Variants in KCNN3 observed in about 807,000 individuals in gnomAD.
KCNN3 encodes the protein small conductance calcium-activated potassium channel protein 3.
In KCNN3, 16 loss-of-function variants were observed where a neutral mutation model predicts 62.9. The observed-to-expected ratio is 0.25, with a 90% CI of 0.17 to 0.39. The LOEUF (loss-of-function observed/expected upper bound fraction) is 0.39, where lower values mean the gene tolerates loss of function less well. Among genes scored for constraint, KCNN3 ranks in the 10% least tolerant of loss-of-function variants. The probability of loss-of-function intolerance (pLI) is 1.00; values close to 1 mark genes in which losing one functional copy is unlikely to be tolerated. For synonymous variants in KCNN3, 370 were observed against 389.2 expected, an observed-to-expected ratio of 0.95 and a Z score of 0.58; for missense variants, 599 against 949.4, an observed-to-expected ratio of 0.63 and a Z score of 4.85.
chr1:154,735,539 C>T (rs540058520), intron 3 of KCNN3, among the ~76,000 whole-genome samples: 3 of 152,302 alleles, frequency 2.0e-5, no homozygotes, highest in East Asian at 1.9e-4. Flanking sequence ...TGGCTGGCTG[C>T]GTGGGCCTCA....
chr1:154,710,605 C>T (rs994061001), intron 7 of KCNN3, among the ~76,000 whole-genome samples: 4 of 152,188 alleles, frequency 2.6e-5, no homozygotes, highest in Admixed American at 6.5e-5. Flanking sequence ...CTCCGTGGGC[C>T]CCATCTCTCC....
chr1:154,860,234 C>T (rs147976451), intron 1 of KCNN3, among the ~76,000 whole-genome samples: 155 of 152,336 alleles, frequency 1.0e-3, no homozygotes, highest in African/African-American at 3.7e-3. Flanking sequence ...CTCTTGACGA[C>T]GCATCAGGCA....
intron 1 of KCNN3, chr1:154,868,447 T>C: frequency 1.4e-6 from 1 of 702,536 alleles, no homozygotes; most frequent in Middle Eastern, 7.4e-4. Context: ...AAACAGAAAC[T>C]TGGGAAGAGA....
At chr1:154,738,454 T>G (rs1700758793) in intron 3 of KCNN3, among the ~76,000 whole-genome samples, 1 of 152,212 alleles carries the variant, frequency 6.6e-6, no homozygotes, top group Non-Finnish European at 1.5e-5. Flanking sequence ...TACGTAAGGT[T>G]GTCACGGGTT....
chr1:154,854,240 T>A (rs1652428528), intron 1 of KCNN3, among the ~76,000 whole-genome samples: 1 of 151,816 alleles, frequency 6.6e-6, no homozygotes, highest in Non-Finnish European at 1.5e-5. Flanking sequence ...ATCTCAAAAA[T>A]AATAATAATA....
intron 7 of KCNN3, among the ~76,000 whole-genome samples, chr1:154,711,250 A>G (rs1700067374): frequency 6.7e-6 from 1 of 148,500 alleles, no homozygotes; most frequent in African/African-American, 2.5e-5. Flanking sequence ...AGGACAAAAA[A>G]CCAAACACCG....
chr1:154,863,042 T>C (rs955712057), intron 1 of KCNN3, among the ~76,000 whole-genome samples: 2 of 152,102 alleles, frequency 1.3e-5, no homozygotes, highest in Non-Finnish European at 2.9e-5. Flanking sequence ...CTCCCGGGTG[T>C]AATGTAAAGC....
chr1:154,738,560 G>A (rs1341942659), intron 3 of KCNN3, among the ~76,000 whole-genome samples: 1 of 152,166 alleles, frequency 6.6e-6, no homozygotes, highest in Non-Finnish European at 1.5e-5. Context: ...TAAAGGTAAC[G>A]AGCTCAGGGT....
At chr1:154,797,006 A>C (rs1380243699) in intron 2 of KCNN3, among the ~76,000 whole-genome samples, 1 of 152,240 alleles carries the variant, frequency 6.6e-6, no homozygotes, top group Non-Finnish European at 1.5e-5. Context: ...TGGCTTCATC[A>C]GCAGCCTGCG....
intron 1 of KCNN3, among the ~76,000 whole-genome samples, chr1:154,838,831 C>A (rs965048806): frequency 6.6e-6 from 1 of 152,210 alleles, no homozygotes; most frequent in African/African-American, 2.4e-5. Context: ...CCACCCCCAG[C>A]ACCTTGCACA....
At chr1:154,737,145 C>T (rs554618510) in intron 3 of KCNN3, 20 of 635,124 alleles carry the variant, frequency 3.1e-5, no homozygotes, top group Admixed American at 2.4e-4. Context: ...AATTTTAGAG[C>T]GGTTTACACA....
intron 5 of KCNN3, among the ~76,000 whole-genome samples, chr1:154,718,017 G>A (rs1700266743): frequency 6.6e-6 from 1 of 152,080 alleles, no homozygotes; most frequent in Non-Finnish European, 1.5e-5. Context: ...TTCCTTGAGG[G>A]AGGCTTGGGT....
At position 154,870,202 on chromosome 1, in the gene KCNN3, G is replaced by C. The variant is rs1463057423; in HGVS notation, c.-238C>G. On this transcript the variant is annotated 5_prime_UTR_variant, in exon 1 of 8. Transcript: ENST00000271915. ...GGAGGGGAGCTTGGAGAAAGAAGAG[G>C]GGGTGAAAGAACTCTCTCAGGAGGT... 5 of 689,930 alleles carry C rather than the reference G, an allele frequency of 7.2e-6. No individual in the cohort carries two copies. Among genetic ancestry groups the C allele is most frequent in the Non-Finnish European group, 1.3e-5 (5 of 376,976 alleles). The allele number at this position is 689,930 out of a possible 1,614,324, so 42.7% of individuals were successfully genotyped here.
chr1:154,859,631 G>T, intron 1 of KCNN3: 1 of 1,522,002 alleles, frequency 6.6e-7, no homozygotes, highest in Non-Finnish European at 9.1e-7. Flanking sequence ...AATGGCTCAA[G>T]CCAGGCAACA....
chr1:154,750,065 G>A (rs558588373), intron 3 of KCNN3, among the ~76,000 whole-genome samples: 1 of 152,344 alleles, frequency 6.6e-6, no homozygotes, highest in East Asian at 1.9e-4. Flanking sequence ...CCACAGCCAA[G>A]TCACCTGAGC....
At chr1:154,844,939 G>C (rs1486651238) in intron 1 of KCNN3, among the ~76,000 whole-genome samples, 1 of 152,008 alleles carries the variant, frequency 6.6e-6, no homozygotes, top group Non-Finnish European at 1.5e-5. Context: ...CCAGGAGGTG[G>C]AGGTTGCAGT....
chr1:154,824,132 C>T (rs1402336589), intron 1 of KCNN3, among the ~76,000 whole-genome samples: 3 of 152,226 alleles, frequency 2.0e-5, no homozygotes, highest in Admixed American at 6.5e-5. Flanking sequence ...CAGTGATATA[C>T]ACCAGAAGCT....
chr1:154,701,486 ACTT>A lies in KCNN3; in HGVS notation c.*6487_*6489del, dbSNP rs971119323. On this transcript the variant is annotated 3_prime_UTR_variant, in exon 8 of 8. Coordinates refer to ENST00000271915, the MANE Select transcript of KCNN3 (RefSeq NM_002249.6). The stretch of plus-strand genomic sequence containing the variant: ...AGCCATATGAAGGAGGGAACTGAGA[ACTT>A]CTACATGTATGTCTCAGCTGCTCTG... 1.9e-4 allele frequency: 29 copies of A among 152,210 alleles called. No individual in the cohort carries two copies. The highest frequency in any genetic ancestry group is 6.5e-4 in the African/African-American group (27 of 41,440). 9.4% of individuals were successfully genotyped at this position (152,210 alleles called of 1,614,324 possible). A position where few individuals can be genotyped will look rare whatever the true frequency, so the allele number is the denominator to read the frequency against.
Position 154,726,030 on chromosome 1 carries a change from C to A in KCNN3, c.1591-4G>T. On this transcript the variant is annotated splice_region_variant and splice_polypyrimidine_tract_variant and intron_variant, in intron 4 of 7. Transcript: ENST00000271915. ...CAAGGGCAGTGCAGCCTGCACCCTG[C>A]GGGGGGACATCAAGAGGACCAGAGG... is the stretch of plus-strand genomic sequence containing the variant. The A allele has an allele frequency of 6.2e-7, 1 of 1,609,224 alleles. No homozygotes were observed. Among genetic ancestry groups the A allele is most frequent in the Non-Finnish European group, 8.5e-7 (1 of 1,176,014 alleles).
Sources: gnomAD v4.1 joint callset for allele counts (sites outside exome capture counted in the v4.1 genomes callset) on GRCh38, gnomAD v4.1.1 for gene constraint, MANE v1.5 for transcripts, NCBI Gene and HGNC (gene_info 2026-07-23, HGNC 2026-07-21) for gene names.